Variants in ENPP2 observed in about 807,000 individuals in gnomAD.
ENPP2 encodes autotaxin.
In ENPP2, 51 loss-of-function variants were observed where a neutral mutation model predicts 120.2. That is an observed-to-expected ratio of 0.42 (90% confidence interval 0.34 to 0.54). The LOEUF is 0.54. Ranked by LOEUF, ENPP2 falls within the 20% of genes least tolerant of loss-of-function variation. The pLI is 0.04. For missense variants in ENPP2, 920 were observed against 1,066.5 expected (o/e 0.86, Z 1.91); for synonymous variants, 365 against 366.4 (o/e 1.00, Z 0.04).
At chr8:119,564,039 A>C (rs1814191374) in intron 23 of ENPP2, among the ~76,000 whole-genome samples, 1 of 151,526 alleles carries the variant, frequency 6.6e-6, no homozygotes. Context: ...AATCACTCTA[A>C]ATCTTGCTTT....
At chr8:119,607,605 G>A (rs111626954) in intron 9 of ENPP2, among the ~76,000 whole-genome samples, 1 of 151,660 alleles carries the variant, frequency 6.6e-6, no homozygotes, top group Non-Finnish European at 1.5e-5. Flanking sequence ...AACCCGGGAG[G>A]CAGAGGTTGC....
chr8:119,603,922 G>A (rs867772503), intron 9 of ENPP2, among the ~76,000 whole-genome samples: 4 of 151,988 alleles, frequency 2.6e-5, no homozygotes, highest in African/African-American at 2.4e-5. Context: ...AGATGAGGAC[G>A]CTGGAGGTCT....
At chr8:119,564,338 A>C (rs2129967118) in intron 23 of ENPP2, among the ~76,000 whole-genome samples, 1 of 152,226 alleles carries the variant, frequency 6.6e-6, no homozygotes, top group South Asian at 2.1e-4. Context: ...TTACCACAAA[A>C]CCCAAAATTC....
Position 119,638,447 on chromosome 8 carries a change from T to A in ENPP2, c.114A>T (p.Gly38=). ...FTAHRIKRAE[G]WEEGPPTVLS... is the part of the protein sequence containing the mutation. ...TACCTGTAGGAGGACCTTCCTCCCA[T>A]CCTTCTGCTCTCTTAATTCGATGTG... Residue 38 remains glycine, a synonymous_variant, in exon 2 of 25, where the codon GGA becomes GGT. Coordinates refer to ENST00000075322, the MANE Select transcript of ENPP2 (RefSeq NM_001040092.3). 1 of 1,605,118 alleles carries A rather than the reference T, an allele frequency of 6.2e-7. No individual in the cohort carries two copies.
At chr8:119,640,059 T>A (rs183805632), upstream of ENPP2, among the ~76,000 whole-genome samples, 2 of 152,142 alleles carry the variant, frequency 1.3e-5, no homozygotes, top group African/African-American at 4.8e-5. Context: ...AAATAAAACA[T>A]GATAGCACAA....
At chr8:119,592,105 A>G (rs1447789879) in intron 12 of ENPP2, among the ~76,000 whole-genome samples, 1 of 152,212 alleles carries the variant, frequency 6.6e-6, no homozygotes, top group African/African-American at 2.4e-5. Flanking sequence ...AAAGGTGTAT[A>G]GTGTCAGATA....
At chr8:119,665,320 A>G (rs183884261) in intron 1 of ENPP2, among the ~76,000 whole-genome samples, 1 of 152,322 alleles carries the variant, frequency 6.6e-6, no homozygotes, top group African/African-American at 2.4e-5. Context: ...AGATAAAAAT[A>G]TTCCACTCTA....
intron 1 of ENPP2, among the ~76,000 whole-genome samples, chr8:119,666,552 G>A (rs1042235242): frequency 6.6e-6 from 1 of 152,026 alleles, no homozygotes; most frequent in South Asian, 2.1e-4. Flanking sequence ...AGGCCGAGGC[G>A]GGCAGATCAC....
intron 24 of ENPP2, 105 bp downstream of exon 24, chr8:119,562,752 A>G: frequency 8.7e-7 from 1 of 1,154,820 alleles, no homozygotes; most frequent in African/African-American, 1.5e-5. Context: ...GTTTAGGGTG[A>G]ATGCTTTATA....
At chr8:119,662,449 G>A (rs1348232914) in intron 1 of ENPP2, among the ~76,000 whole-genome samples, 3 of 152,046 alleles carry the variant, frequency 2.0e-5, no homozygotes, top group East Asian at 1.9e-4. Flanking sequence ...GAACTAGTTC[G>A]AAACGCAAAT....
rs141172743 is a variant in ENPP2 at position 119,649,744 on chromosome 8, T to A, written c.22-11217A>T. 4.1e-3 allele frequency among the ~76,000 whole-genome samples: 628 copies of A among 152,266 alleles called. 25 individuals carry two copies. In the South Asian group the frequency reaches 0.091, roughly 22 times the overall value. On this transcript the variant is annotated intron_variant, in intron 1 of 25. Coordinates refer to the ENPP2 transcript ENST00000427067. ...ATATAATCCAATTTTTAAAAAATGATCAATGGATTAGAATAGACATTTCTC... is the reference window on the plus strand; with the variant it reads ...ATATAATCCAATTTTTAAAAAATGAACAATGGATTAGAATAGACATTTCTC...
Position 119,593,754 on chromosome 8 carries a change from T to C in ENPP2, c.1079A>G (p.His360Arg). The change falls in exon 12 of 25, where the codon CAT becomes CGT. Residue 360 changes from histidine to arginine, a missense_variant and splice_region_variant. By Grantham distance (29) the His-to-Arg change is conservative. Transcript: ENST00000075322. Reference protein sequence around the residue: ...RCVNVIFVGDHGMEDVTCDRT... With the variant: ...RCVNVIFVGDRGMEDVTCDRT... ...GCAAAGAAAAAACAAAGCTTTACCA[T>C]GGTCTCCGACAAAGATGACGTTGAC... The C allele has an allele frequency of 6.3e-7, 1 of 1,581,964 alleles. No individual in the cohort carries two copies. Among genetic ancestry groups the C allele is most frequent in the Non-Finnish European group, 8.7e-7 (1 of 1,150,682 alleles).
At chr8:119,672,919 C>T (rs1818293826) in intron 1 of ENPP2, among the ~76,000 whole-genome samples, 1 of 152,230 alleles carries the variant, frequency 6.6e-6, no homozygotes, top group Admixed American at 6.5e-5. Context: ...CTTGCAGTGC[C>T]CTGCGGCTGG....
chr8:119,582,749 C>G, intron 17 of ENPP2, 147 bp from the exon 18 acceptor site: 1 of 631,950 alleles, frequency 1.6e-6, no homozygotes, highest in East Asian at 2.7e-5. Flanking sequence ...TGGCAGGCAC[C>G]CCCTCCTTAC....
At position 119,593,379 on chromosome 8, in the gene ENPP2, G is replaced by A. The variant is rs1813672917; in HGVS notation, c.1081+373C>T. On this transcript the variant is annotated intron_variant, in intron 12 of 24. Coordinates refer to ENST00000075322, the MANE Select transcript of ENPP2 (RefSeq NM_001040092.3). Reference sequence around the variant, plus strand: ...ATTTTTTAACCATATAAACTCCATGGGCTCGTTTTGGGGATGTGGCTGGCA... The same window carrying A: ...ATTTTTTAACCATATAAACTCCATGAGCTCGTTTTGGGGATGTGGCTGGCA... Among the ~76,000 whole-genome samples, 3 of 151,972 alleles carry A rather than the reference G, an allele frequency of 2.0e-5. No homozygotes were observed. In the South Asian group the frequency reaches 6.2e-4, roughly 32 times the overall value.
chr8:119,558,147 T>A (rs986952789), intron 24 of ENPP2, among the ~76,000 whole-genome samples: 36 of 152,338 alleles, frequency 2.4e-4, no homozygotes, highest in African/African-American at 8.7e-4. Context: ...TGTGCATTCC[T>A]AGTTTTTCAA....
rs150652298 is a variant in ENPP2 at position 119,650,737 on chromosome 8, C to T, written c.22-12210G>A. 3.7e-3 allele frequency among the ~76,000 whole-genome samples: 561 copies of T among 152,248 alleles called. 7 individuals carry two copies. The highest frequency in any genetic ancestry group is 0.013 in the African/African-American group (537 of 41,552). On this transcript the variant is annotated intron_variant, in intron 1 of 25. Transcript: ENST00000427067. Reference sequence around the variant, plus strand: ...GTGTGTGATGAAACCCTCTGCATCCCCCAGAATTAGAAGAACTGGGAGTTT... The same window carrying T: ...GTGTGTGATGAAACCCTCTGCATCCTCCAGAATTAGAAGAACTGGGAGTTT...
chr8:119,657,053 G>A (rs1417931730), intron 1 of ENPP2, among the ~76,000 whole-genome samples: 4 of 151,862 alleles, frequency 2.6e-5, no homozygotes, highest in African/African-American at 2.4e-5. Flanking sequence ...TCAGCCTCCC[G>A]AGTAGCTGGG....
chr8:119,665,056 G>A (rs180799503), intron 1 of ENPP2, among the ~76,000 whole-genome samples: 30 of 152,238 alleles, frequency 2.0e-4, no homozygotes, highest in Admixed American at 7.8e-4. Flanking sequence ...GTATGTTCCC[G>A]TGTTTAAATC....
Sources: allele counts gnomAD v4.1 joint callset (sites outside exome capture counted in the v4.1 genomes callset), GRCh38; gene constraint gnomAD v4.1.1; transcripts MANE v1.5; gene names NCBI Gene and HGNC (gene_info 2026-07-23, HGNC 2026-07-21).